The following CNTNAP5 variants were observed in gnomAD, a reference collection of about 807,000 sequenced individuals.
CNTNAP5 encodes the protein contactin-associated protein-like 5.
CNTNAP5 carries 72 observed loss-of-function variants against 150.2 expected under a neutral mutation model. That is an observed-to-expected ratio of 0.48 (90% CI 0.40 to 0.58). The LOEUF is 0.58. CNTNAP5 is among the 20% of genes least tolerant of loss of function. The pLI, the probability that CNTNAP5 is intolerant of heterozygous loss-of-function variation, is 0.00. For missense variants in CNTNAP5, 1,636 were observed against 1,626.2 expected (o/e 1.01, Z -0.10); for synonymous variants, 672 against 619.8 (o/e 1.08, Z -1.25).
intron 19 of CNTNAP5, among the ~76,000 whole-genome samples, chr2:124,857,573 C>T (rs920221961): frequency 2.0e-4 from 30 of 152,134 alleles, no homozygotes; most frequent in African/African-American, 7.2e-4. Context: ...TGCCTGTAAT[C>T]CCAGCACTTT....
intron 21 of CNTNAP5, among the ~76,000 whole-genome samples, chr2:124,889,141 C>T (rs1423168364): frequency 2.1e-5 from 3 of 145,842 alleles, no homozygotes; most frequent in Non-Finnish European, 1.5e-5. Context: ...CCCAGGCACC[C>T]AGGCTGGAGT....
At chr2:124,869,812 G>T (rs1359439124) in intron 21 of CNTNAP5, 50 bp downstream of exon 21, 2 of 1,126,502 alleles carry the variant, frequency 1.8e-6, no homozygotes, top group South Asian at 1.3e-5. Flanking sequence ...TAAAATAAAT[G>T]AATGCATAAT....
intron 13 of CNTNAP5, among the ~76,000 whole-genome samples, chr2:124,707,071 G>A (rs1573561540): frequency 7.3e-6 from 1 of 137,882 alleles, no homozygotes; most frequent in Non-Finnish European, 1.6e-5. Flanking sequence ...AGAGGAAGAG[G>A]AAGAAGAAGA....
intron 1 of CNTNAP5, among the ~76,000 whole-genome samples, chr2:124,044,152 T>A (rs1007960116): frequency 6.6e-6 from 1 of 152,240 alleles, no homozygotes; most frequent in Non-Finnish European, 1.5e-5. Context: ...ATATAGCCTC[T>A]GTCTATAGCA....
chr2:124,465,498 A>G (rs569312219), intron 6 of CNTNAP5, among the ~76,000 whole-genome samples: 4 of 152,350 alleles, frequency 2.6e-5, no homozygotes, highest in Non-Finnish European at 5.9e-5. Flanking sequence ...ACAATGAGGC[A>G]AAAGCAGATT....
chr2:124,084,708 T>C (rs1682637420), intron 1 of CNTNAP5, among the ~76,000 whole-genome samples: 1 of 152,060 alleles, frequency 6.6e-6, no homozygotes, highest in Non-Finnish European at 1.5e-5. Flanking sequence ...TATGTATATA[T>C]ATTCATTAAA....
Position 124,450,986 on chromosome 2 carries a change from C to A in CNTNAP5, c.918+4049C>A, listed in dbSNP as rs568208388. 3.7e-5 allele frequency among the ~76,000 whole-genome samples: 5 copies of A among 136,062 alleles called. 1 individual carries two copies. In the South Asian group the frequency reaches 1.2e-3, roughly 32 times the overall value. The allele number at this position is 136,062 out of a possible 152,430, so 89.3% of individuals were successfully genotyped here. On this transcript the variant is annotated intron_variant, in intron 6 of 23. Coordinates refer to ENST00000682447, the MANE Select transcript of CNTNAP5 (RefSeq NM_001367498.1). ...GAGGCTGCAGTGAGCTATGATAGCA[C>A]CACTGCACTCCAGCCTGGGTAGCAG...
chr2:124,074,549 C>T (rs1348288748), intron 1 of CNTNAP5, among the ~76,000 whole-genome samples: 5 of 151,978 alleles, frequency 3.3e-5, no homozygotes, highest in African/African-American at 9.7e-5. Context: ...AATGTCATGG[C>T]GAGGCTGTTG....
intron 14 of CNTNAP5, among the ~76,000 whole-genome samples, chr2:124,763,334 G>A (rs971434913): frequency 6.6e-6 from 1 of 152,110 alleles, no homozygotes; most frequent in African/African-American, 2.4e-5. Flanking sequence ...ATCTCTTTAT[G>A]GGAATGAGAG....
intron 3 of CNTNAP5, among the ~76,000 whole-genome samples, chr2:124,403,735 T>A (rs1481085790): frequency 6.6e-6 from 1 of 152,202 alleles, no homozygotes; most frequent in Non-Finnish European, 1.5e-5. Context: ...TCCGGTCTCA[T>A]GCTGCTAATA....
intron 1 of CNTNAP5, among the ~76,000 whole-genome samples, chr2:124,188,611 T>C (rs1296274969): frequency 1.4e-5 from 2 of 145,630 alleles, no homozygotes; most frequent in East Asian, 2.1e-4. Flanking sequence ...CCCAGCTACT[T>C]GGGAGGCTGA....
intron 21 of CNTNAP5, among the ~76,000 whole-genome samples, chr2:124,901,646 C>T (rs1678416114): frequency 1.3e-5 from 2 of 152,136 alleles, no homozygotes; most frequent in African/African-American, 4.8e-5. Context: ...ACACACAGAA[C>T]TGCAAGATAG....
chr2:124,160,913 A>C (rs938388015), intron 1 of CNTNAP5, among the ~76,000 whole-genome samples: 1 of 152,062 alleles, frequency 6.6e-6, no homozygotes, highest in Non-Finnish European at 1.5e-5. Flanking sequence ...TTGTTTCCTT[A>C]TATTGTTTGT....
At chr2:124,080,594 A>G (rs1682538023) in intron 1 of CNTNAP5, among the ~76,000 whole-genome samples, 4 of 152,180 alleles carry the variant, frequency 2.6e-5, no homozygotes, top group Admixed American at 2.6e-4. Flanking sequence ...ATCATTTCCA[A>G]TTGCATTGGG....
At chr2:124,668,380 T>C (rs926038647) in intron 13 of CNTNAP5, among the ~76,000 whole-genome samples, 4 of 152,286 alleles carry the variant, frequency 2.6e-5, no homozygotes, top group Admixed American at 2.6e-4. Flanking sequence ...CTGTTTAGCA[T>C]GACAAGCATT....
At position 124,618,265 on chromosome 2, in the gene CNTNAP5, T is replaced by TA. The variant is rs201209830; in HGVS notation, c.1876+8354dup. Among the ~76,000 whole-genome samples the TA allele has an allele frequency of 2.0e-3, 306 of 150,740 alleles. 2 individuals are homozygous for TA. The highest frequency in any genetic ancestry group is 6.3e-3 in the African/African-American group (258 of 41,108). On this transcript the variant is annotated intron_variant, in intron 12 of 23. Transcript: ENST00000682447. ...CTATTTAGCTGGCCCTGAAAAAAAT[T>TA]AAAAAAAAAGATGAGCAACAGACTA...
chr2:124,474,912 G>T, intron 7 of CNTNAP5, 30 bp downstream of exon 7: 1 of 1,574,588 alleles, frequency 6.4e-7, no homozygotes, highest in South Asian at 1.2e-5. Flanking sequence ...TTGTCTTGAT[G>T]GTTTCTACCA....
At chr2:124,445,678 C>T (rs1558905614) in intron 5 of CNTNAP5, among the ~76,000 whole-genome samples, 1 of 152,154 alleles carries the variant, frequency 6.6e-6, no homozygotes, top group Non-Finnish European at 1.5e-5. Context: ...GTGGCAGCTA[C>T]CGCCTGCTGA....
chr2:124,362,550 C>T (rs930621821), intron 3 of CNTNAP5, among the ~76,000 whole-genome samples: 5 of 152,246 alleles, frequency 3.3e-5, no homozygotes, highest in Middle Eastern at 3.4e-3. Context: ...TCAGTAACTT[C>T]GAGCATGTCT....
Sources: gnomAD v4.1 joint callset for allele counts (sites outside exome capture counted in the v4.1 genomes callset) on GRCh38, gnomAD v4.1.1 for gene constraint, MANE v1.5 for transcripts, NCBI Gene and HGNC (gene_info 2026-07-23, HGNC 2026-07-21) for gene names.